ZBTB20: variants seen among roughly 807,000 people sequenced by gnomAD.
The protein encoded by ZBTB20 is zinc finger and BTB domain-containing protein 20.
In ZBTB20, 9 loss-of-function variants were observed where a neutral mutation model predicts 56.9. That is an observed-to-expected ratio of 0.16 (90% CI 0.10 to 0.28). The LOEUF is 0.28. Ranked by LOEUF, ZBTB20 falls within the 10% of genes least tolerant of loss-of-function variation. ZBTB20 has a pLI of 1.00. For synonymous variants in ZBTB20, 417 were observed against 420.7 expected (o/e 0.99, Z 0.11); for missense variants, 655 against 1,003.0 (o/e 0.65, Z 4.69).
At chr3:114,393,471 G>T (rs758538801) in intron 7 of ZBTB20, among the ~76,000 whole-genome samples, 12 of 152,098 alleles carry the variant, frequency 7.9e-5, no homozygotes, top group Non-Finnish European at 1.8e-4. Context: ...ACATCCTGCT[G>T]CTATAATCTT....
At chr3:114,609,324 G>A (rs2057385629) in intron 6 of ZBTB20, among the ~76,000 whole-genome samples, 1 of 152,192 alleles carries the variant, frequency 6.6e-6, no homozygotes, top group African/African-American at 2.4e-5. Flanking sequence ...ACAAGCATGA[G>A]ATGGAGGAGC....
At chr3:114,725,961 G>C (rs1033838221) in intron 5 of ZBTB20, among the ~76,000 whole-genome samples, 2 of 152,174 alleles carry the variant, frequency 1.3e-5, no homozygotes, top group African/African-American at 4.8e-5. Context: ...CACTGAGGGG[G>C]TTGTGGTGAC....
In ZBTB20 at chr3:115,043,872, G is replaced by C. The variant is rs6788910; in HGVS notation, c.-507+27347C>G. On this transcript the variant is annotated intron_variant, in intron 2 of 11. Coordinates refer to ENST00000675478, the MANE Select transcript of ZBTB20 (RefSeq NM_001348800.3). ...GGTGTTGGAGGAGGGCCTGGTGGGA[G>C]GTGTTTGGATCATGGGGGTTGATAC... 4.5e-3 allele frequency among the ~76,000 whole-genome samples: 690 copies of C among 152,192 alleles called. 6 individuals carry two copies. Among genetic ancestry groups the C allele is most frequent in the African/African-American group, 0.016 (646 of 41,518 alleles).
At chr3:114,464,151 C>A (rs2092443835) in intron 7 of ZBTB20, among the ~76,000 whole-genome samples, 1 of 152,148 alleles carries the variant, frequency 6.6e-6, no homozygotes, top group African/African-American at 2.4e-5. Context: ...AAACTATCTG[C>A]TGTTTAATTA....
At chr3:114,682,720 ACCAATAATATATGTGATAGAC>A (rs2062055749) in intron 6 of ZBTB20, among the ~76,000 whole-genome samples, 1 of 152,152 alleles carries the variant, frequency 6.6e-6, no homozygotes, top group Non-Finnish European at 1.5e-5. Flanking sequence ...CTGAGTCCAA[ACCAATAATATATGTGATAGAC>A]CGGATTACTT....
intron 3 of ZBTB20, among the ~76,000 whole-genome samples, chr3:114,926,305 A>G (rs1458429052): frequency 2.0e-5 from 3 of 152,238 alleles, no homozygotes; most frequent in Middle Eastern, 6.8e-3. Context: ...ACCTCCTCTA[A>G]TATTTCTCTA....
At chr3:114,769,329 T>C (rs2108734379) in intron 5 of ZBTB20, among the ~76,000 whole-genome samples, 1 of 151,804 alleles carries the variant, frequency 6.6e-6, no homozygotes, top group South Asian at 2.1e-4. Context: ...CAAATGCCCA[T>C]CAATCAATGA....
intron 4 of ZBTB20, among the ~76,000 whole-genome samples, chr3:114,881,203 C>T (rs1424748686): frequency 6.6e-6 from 1 of 152,014 alleles, no homozygotes; most frequent in Non-Finnish European, 1.5e-5. Flanking sequence ...ATGGATCTTT[C>T]ACTTATTTAC....
rs113466891 is a variant in ZBTB20 at position 114,524,352 on chromosome 3, C to G, written c.-294-23961G>C. The stretch of plus-strand genomic sequence containing the variant: ...TAGCCATGGGAATGAGTAGCTATGG[C>G]AGAGTGGAGAATCAATCATGAGAAG... On this transcript the variant is annotated intron_variant, in intron 6 of 11. Coordinates refer to ENST00000675478, the MANE Select transcript of ZBTB20 (RefSeq NM_001348800.3). Among the ~76,000 whole-genome samples the G allele has an allele frequency of 2.0e-5, 3 of 152,186 alleles. 1 individual carries two copies. Among genetic ancestry groups the G allele is most frequent in the African/African-American group, 7.2e-5 (3 of 41,522 alleles).
intron 6 of ZBTB20, among the ~76,000 whole-genome samples, chr3:114,598,047 A>G (rs934873862): frequency 1.3e-5 from 2 of 152,142 alleles, no homozygotes; most frequent in Non-Finnish European, 2.9e-5. Flanking sequence ...TAAAACTCTC[A>G]AGAAGGAAGC....
At chr3:114,640,397 A>G (rs2059497416) in intron 6 of ZBTB20, among the ~76,000 whole-genome samples, 1 of 152,100 alleles carries the variant, frequency 6.6e-6, no homozygotes, top group Non-Finnish European at 1.5e-5. Context: ...ATCATTCAAT[A>G]ATGCTTATAG....
intron 5 of ZBTB20, among the ~76,000 whole-genome samples, chr3:114,735,934 T>C (rs964252424): frequency 6.6e-6 from 1 of 152,216 alleles, no homozygotes; most frequent in Non-Finnish European, 1.5e-5. Flanking sequence ...CACTCTATGA[T>C]GGTAACGTTT....
At chr3:115,101,376 T>C (rs964865698) in intron 1 of ZBTB20, among the ~76,000 whole-genome samples, 1 of 152,208 alleles carries the variant, frequency 6.6e-6, no homozygotes, top group African/African-American at 2.4e-5. Context: ...AGTTCCAAAA[T>C]TATGATGTTA....
intron 5 of ZBTB20, among the ~76,000 whole-genome samples, chr3:114,738,405 A>G (rs1036855121): frequency 1.3e-5 from 2 of 152,070 alleles, no homozygotes; most frequent in African/African-American, 2.4e-5. Flanking sequence ...GCATGTGCCA[A>G]ATTGGTTTGT....
intron 5 of ZBTB20, among the ~76,000 whole-genome samples, chr3:114,706,900 A>G (rs984793902): frequency 7.9e-5 from 12 of 152,110 alleles, no homozygotes; most frequent in Admixed American, 5.9e-4. Flanking sequence ...CAAACCATAC[A>G]GTATTTTAAG....
intron 3 of ZBTB20, among the ~76,000 whole-genome samples, chr3:114,928,061 A>G (rs2076221369): frequency 6.6e-6 from 1 of 152,238 alleles, no homozygotes; most frequent in Admixed American, 6.5e-5. Context: ...CCCTTCACCT[A>G]TCTAGGCTTC....
chr3:115,024,223 T>A (rs1001795936), intron 2 of ZBTB20, among the ~76,000 whole-genome samples: 5 of 151,078 alleles, frequency 3.3e-5, no homozygotes, highest in Non-Finnish European at 7.4e-5. Flanking sequence ...GTTTTTCCTT[T>A]ATTTAGCCAA....
intron 4 of ZBTB20, among the ~76,000 whole-genome samples, chr3:114,809,694 T>C (rs879649858): frequency 6.6e-6 from 1 of 152,214 alleles, no homozygotes; most frequent in African/African-American, 2.4e-5. Context: ...ATAATTTCTT[T>C]TTTTTTCTTC....
chr3:114,345,472 T>C (rs1306770463), intron 11 of ZBTB20, among the ~76,000 whole-genome samples: 1 of 152,240 alleles, frequency 6.6e-6, no homozygotes, highest in Non-Finnish European at 1.5e-5. Flanking sequence ...TGATATAATT[T>C]ATCCACTACA....
Sources: gnomAD v4.1 joint callset for allele counts (sites outside exome capture counted in the v4.1 genomes callset) on GRCh38, gnomAD v4.1.1 for gene constraint, MANE v1.5 for transcripts, NCBI Gene and HGNC (gene_info 2026-07-23, HGNC 2026-07-21) for gene names.